Variants in ROBO2 observed in about 807,000 individuals in gnomAD.
ROBO2 encodes the protein roundabout guidance receptor 2, also known as roundabout homolog 2.
A neutral mutation model predicts 160.8 loss-of-function variants in ROBO2; 53 were observed. The ratio of observed to expected loss-of-function variants is 0.33; its 90% CI spans 0.26 to 0.41. The LOEUF (loss-of-function observed/expected upper bound fraction) is 0.41, where lower values mean the gene tolerates loss of function less well. Ranked by LOEUF, ROBO2 falls within the 10% of genes least tolerant of loss-of-function variation. The probability of loss-of-function intolerance (pLI) is 1.00; values close to 1 mark genes in which losing one functional copy is unlikely to be tolerated. For missense variants in ROBO2, 1,577 were observed against 1,722.4 expected (o/e 0.92, Z 1.49); for synonymous variants, 664 against 611.7 (o/e 1.09, Z -1.26).
intron 2 of ROBO2, among the ~76,000 whole-genome samples, chr3:76,208,225 G>A (rs965812010): frequency 6.6e-5 from 10 of 152,056 alleles, no homozygotes; most frequent in Non-Finnish European, 1.5e-4. Flanking sequence ...ATAGTGGTGC[G>A]AGGATGGACT....
chr3:76,352,073 G>A (rs1466706533), intron 2 of ROBO2, among the ~76,000 whole-genome samples: 1 of 151,940 alleles, frequency 6.6e-6, no homozygotes, highest in Non-Finnish European at 1.5e-5. Flanking sequence ...CAATGGTAAT[G>A]GTTATACAGA....
At chr3:76,261,305 C>T (rs1166218737) in intron 2 of ROBO2, among the ~76,000 whole-genome samples, 1 of 151,274 alleles carries the variant, frequency 6.6e-6, no homozygotes, top group Non-Finnish European at 1.5e-5. Flanking sequence ...CCTTCTTTAC[C>T]TGGAGAGTCT....
intron 1 of ROBO2, among the ~76,000 whole-genome samples, chr3:75,918,055 A>G (rs1033712004): frequency 3.3e-5 from 5 of 152,164 alleles, no homozygotes; most frequent in Admixed American, 2.6e-4. Context: ...CCATCTGTCA[A>G]TTTTGGCTGT....
intron 2 of ROBO2, among the ~76,000 whole-genome samples, chr3:77,297,942 T>C (rs553814985): frequency 2.0e-5 from 3 of 152,184 alleles, no homozygotes; most frequent in East Asian, 1.9e-4. Flanking sequence ...GAAAGAGTCG[T>C]TGGACATGGG....
chr3:76,844,064 C>T (rs560237004), intron 2 of ROBO2, among the ~76,000 whole-genome samples: 15 of 152,016 alleles, frequency 9.9e-5, no homozygotes, highest in Non-Finnish European at 1.9e-4. Context: ...TCCCTAGAAG[C>T]GTTCCGGTTC....
chr3:77,224,596 C>A (rs941923732), intron 2 of ROBO2, among the ~76,000 whole-genome samples: 1 of 151,770 alleles, frequency 6.6e-6, no homozygotes, highest in Non-Finnish European at 1.5e-5. Context: ...CCATATTAAT[C>A]CTAGGGTTTA....
At chr3:76,018,150 C>T (rs2066457799) in intron 2 of ROBO2, among the ~76,000 whole-genome samples, 1 of 151,676 alleles carries the variant, frequency 6.6e-6, no homozygotes, top group African/African-American at 2.4e-5. Context: ...TATTACTGGG[C>T]AATAGTTAAA....
intron 2 of ROBO2, among the ~76,000 whole-genome samples, chr3:76,774,508 T>A (rs531657985): frequency 6.6e-6 from 1 of 150,966 alleles, no homozygotes; most frequent in East Asian, 2.0e-4. Flanking sequence ...ATCATGTTTT[T>A]AAAAGGAAAA....
At chr3:77,031,289 T>C (rs1403427233) in intron 2 of ROBO2, among the ~76,000 whole-genome samples, 1 of 151,954 alleles carries the variant, frequency 6.6e-6, no homozygotes, top group African/African-American at 2.4e-5. Flanking sequence ...TAGAATAGTT[T>C]GTATTTGTAG....
intron 2 of ROBO2, among the ~76,000 whole-genome samples, chr3:77,411,276 G>A (rs1258989173): frequency 6.6e-6 from 1 of 152,178 alleles, no homozygotes. Flanking sequence ...CATGCCTGGT[G>A]AGGGCATAAA....
rs137977391 is a variant in ROBO2 at position 76,735,875 on chromosome 3, C to T, written c.110-362139C>T. Among the ~76,000 whole-genome samples, 686 of 151,770 alleles carry T rather than the reference C, an allele frequency of 4.5e-3. 5 individuals are homozygous for T. The highest frequency in any genetic ancestry group is 0.016 in the African/African-American group (657 of 41,366). ...TTGGTTACAGGAGCTGTACCCCAAA[C>T]CTCAGCATCATGCAATATACCCATG... On this transcript the variant is annotated intron_variant, in intron 2 of 26. Coordinates refer to the ROBO2 transcript ENST00000487694.
chr3:77,448,999 T>A (rs1030740875), intron 2 of ROBO2, among the ~76,000 whole-genome samples: 1 of 152,160 alleles, frequency 6.6e-6, no homozygotes, highest in East Asian at 1.9e-4. Context: ...AAAAATTGTT[T>A]ATAAAAGTTT....
chr3:76,434,651 A>C, intron 2 of ROBO2: 1 of 1,284,664 alleles, frequency 7.8e-7, no homozygotes, highest in Non-Finnish European at 1.1e-6. Context: ...AACTGAGTGG[A>C]CTCTGCCATC....
exon 1 of ROBO2, chr3:77,040,169 T>G (rs1578444534): frequency 2.0e-6 from 2 of 982,612 alleles, no homozygotes; most frequent in African/African-American, 1.8e-5. Context: ...ACCGGAGAGG[T>G]GGAGGGAGGG....
intron 2 of ROBO2, among the ~76,000 whole-genome samples, chr3:77,191,174 A>G (rs1055383361): frequency 6.6e-6 from 1 of 152,156 alleles, no homozygotes; most frequent in Non-Finnish European, 1.5e-5. Flanking sequence ...AATACTAGCT[A>G]CATGTATTAA....
intron 2 of ROBO2, among the ~76,000 whole-genome samples, chr3:76,134,750 A>G (rs918573664): frequency 2.2e-4 from 34 of 152,096 alleles, no homozygotes; most frequent in Non-Finnish European, 2.2e-4. Context: ...GAGATAATAA[A>G]TATCATTTAT....
intron 2 of ROBO2, among the ~76,000 whole-genome samples, chr3:77,431,713 G>A (rs1247437778): frequency 6.6e-6 from 1 of 152,148 alleles, no homozygotes; most frequent in Non-Finnish European, 1.5e-5. Flanking sequence ...CTCCCTAAAA[G>A]AGCTAGTCAG....
intron 2 of ROBO2, among the ~76,000 whole-genome samples, chr3:76,798,354 C>T: frequency 6.6e-6 from 1 of 151,812 alleles, no homozygotes; most frequent in African/African-American, 2.4e-5. Flanking sequence ...TTATGTTGAG[C>T]ATTTATGCAA....
chr3:76,188,040 C>G (rs1167168409), intron 2 of ROBO2, among the ~76,000 whole-genome samples: 2 of 152,068 alleles, frequency 1.3e-5, no homozygotes, highest in African/African-American at 4.8e-5. Flanking sequence ...AAGTGGTTTT[C>G]TAGAAGGCTT....
Sources: allele counts gnomAD v4.1 joint callset (sites outside exome capture counted in the v4.1 genomes callset), GRCh38; gene constraint gnomAD v4.1.1; transcripts MANE v1.5; gene names NCBI Gene and HGNC (gene_info 2026-07-23, HGNC 2026-07-21).